CAST: variants seen among roughly 807,000 people sequenced by gnomAD.
The protein encoded by CAST is MIR583 host.
In CAST, 76 loss-of-function variants were observed where a neutral mutation model predicts 119.6. The observed-to-expected ratio is 0.64, with a 90% CI of 0.53 to 0.77. CAST has a LOEUF of 0.77. Ranked by LOEUF, CAST falls within the 30% of genes least tolerant of loss-of-function variation. The pLI is 0.00. For missense variants in CAST, 953 were observed against 946.5 expected (o/e 1.01, Z -0.09); for synonymous variants, 319 against 331.6 (o/e 0.96, Z 0.41).
At chr5:96,696,771 A>G (rs1317076612) in intron 3 of CAST, among the ~76,000 whole-genome samples, 1 of 151,502 alleles carries the variant, frequency 6.6e-6, no homozygotes, top group African/African-American at 2.4e-5. Flanking sequence ...TTGGAGGATC[A>G]CTTAAGTCTG....
At chr5:96,487,663 C>T in the CAST span, among the ~76,000 whole-genome samples, 1 of 152,358 alleles carries the variant, frequency 6.6e-6, no homozygotes, top group South Asian at 2.1e-4. Context: ...CCACTGGCCT[C>T]TCCTTGTGAC....
At chr5:95,998,119 C>CT in the CAST span, among the ~76,000 whole-genome samples, 79 of 149,934 alleles carry the variant, frequency 5.3e-4, no homozygotes, top group East Asian at 0.013. Flanking sequence ...ATACATTCAC[C>CT]TTTTTTTTTA....
At chr5:96,768,163 G>C (rs954393474) in intron 29 of CAST, among the ~76,000 whole-genome samples, 164 bp downstream of exon 29, 3 of 152,112 alleles carry the variant, frequency 2.0e-5, no homozygotes, top group African/African-American at 4.8e-5. Context: ...AGCTTACTGC[G>C]ATCTCTGCTT....
intron 1 of CAST, among the ~76,000 whole-genome samples, chr5:96,644,559 C>T (rs2150203893): frequency 6.6e-6 from 1 of 152,300 alleles, no homozygotes; most frequent in South Asian, 2.1e-4. Context: ...AAAAGTTGTG[C>T]AGGTGGTATG....
the CAST span, among the ~76,000 whole-genome samples, chr5:96,137,459 A>G: frequency 6.6e-6 from 1 of 152,158 alleles, no homozygotes; most frequent in African/African-American, 2.4e-5. Context: ...TATAAATACA[A>G]CTTCTGAAAA....
the CAST span, among the ~76,000 whole-genome samples, chr5:96,245,621 GAA>G: frequency 0.044 from 5,647 of 127,488 alleles, 303 homozygotes; most frequent in African/African-American, 0.13. Context: ...CTGTGTAATG[GAA>G]AAAAAAAAAA....
At chr5:96,027,962 T>TG in the CAST span, among the ~76,000 whole-genome samples, 2 of 151,610 alleles carry the variant, frequency 1.3e-5, no homozygotes, top group African/African-American at 4.9e-5. Context: ...GACTGGATGA[T>TG]GATCTTGAAA....
chr5:96,196,731 G>C, the CAST span, among the ~76,000 whole-genome samples: 1 of 152,176 alleles, frequency 6.6e-6, no homozygotes, highest in Non-Finnish European at 1.5e-5. Context: ...GCCAGATAAC[G>C]CAGGGTCCTG....
the CAST span, among the ~76,000 whole-genome samples, chr5:96,109,192 G>A: frequency 7.2e-5 from 11 of 152,192 alleles, no homozygotes; most frequent in African/African-American, 1.2e-4. Flanking sequence ...CTTCTGTGTC[G>A]CTCACACTGG....
intron 11 of CAST, among the ~76,000 whole-genome samples, chr5:96,739,036 A>G (rs1184627667): frequency 1.3e-5 from 2 of 152,194 alleles, no homozygotes; most frequent in Non-Finnish European, 2.9e-5. Context: ...TAAAAAACAG[A>G]AAAAGACAAC....
In CAST at chr5:96,651,438, CTT is replaced by C. The variant is rs1403919508; in HGVS notation, c.61-24098_61-24097del. On this transcript the variant is annotated intron_variant, in intron 1 of 11. Transcript: ENST00000505143. The stretch of plus-strand genomic sequence containing the variant: ...GTATCTTCTCTGCTTTCTCTGCTGT[CTT>C]TTCAGAAATCCTACTGGATAGATGT... Among the ~76,000 whole-genome samples, 4 of 152,184 alleles carry C rather than the reference CTT, an allele frequency of 2.6e-5. 1 individual carries two copies. The highest frequency in any genetic ancestry group is 9.6e-5 in the African/African-American group (4 of 41,454).
the CAST span, among the ~76,000 whole-genome samples, chr5:96,480,483 T>A: frequency 6.6e-6 from 1 of 152,190 alleles, no homozygotes; most frequent in African/African-American, 2.4e-5. Context: ...GACCATTGTC[T>A]CAATGGGTCT....
At chr5:96,447,892 T>C in the CAST span, among the ~76,000 whole-genome samples, 3 of 152,112 alleles carry the variant, frequency 2.0e-5, no homozygotes, top group Non-Finnish European at 4.4e-5. Context: ...CGCTCTGATC[T>C]TTATGGAAAA....
the CAST span, among the ~76,000 whole-genome samples, chr5:96,279,980 G>A: frequency 2.0e-5 from 3 of 152,202 alleles, no homozygotes; most frequent in Non-Finnish European, 2.9e-5. Context: ...CCAGACAACA[G>A]GCAAACACTA....
the CAST span, among the ~76,000 whole-genome samples, chr5:96,300,878 G>C: frequency 3.9e-5 from 2 of 51,528 alleles, no homozygotes; most frequent in Non-Finnish European, 7.5e-5. Context: ...AAATGAGATT[G>C]TTCTCTTGAT....
intron 3 of CAST, among the ~76,000 whole-genome samples, chr5:96,705,015 A>C (rs1754649926): frequency 6.6e-6 from 1 of 152,210 alleles, no homozygotes; most frequent in Non-Finnish European, 1.5e-5. Flanking sequence ...ATTTTTTAAA[A>C]TTGAATAAAA....
chr5:96,268,488 G>A, the CAST span, among the ~76,000 whole-genome samples: 1,076 of 152,222 alleles, frequency 7.1e-3, 11 homozygotes, highest in African/African-American at 0.025. Context: ...TGAGACAGGA[G>A]GATCCCTTGA....
the CAST span, among the ~76,000 whole-genome samples, chr5:96,181,887 C>T: frequency 2.0e-5 from 3 of 151,922 alleles, no homozygotes; most frequent in Non-Finnish European, 2.9e-5. Flanking sequence ...ATAAACATAC[C>T]GAGGAAGATT....
chr5:96,479,407 T>C, the CAST span, among the ~76,000 whole-genome samples: 1 of 151,916 alleles, frequency 6.6e-6, no homozygotes, highest in Non-Finnish European at 1.5e-5. Context: ...TACTCAATCA[T>C]TCAAAAAATA....
Sources: allele counts gnomAD v4.1 joint callset (sites outside exome capture counted in the v4.1 genomes callset), GRCh38; gene constraint gnomAD v4.1.1; transcripts MANE v1.5; gene names NCBI Gene and HGNC (gene_info 2026-07-23, HGNC 2026-07-21).